Variants in SLC47A2 observed in about 807,000 individuals in gnomAD.
SLC47A2 encodes the protein multidrug and toxin extrusion protein 2.
In SLC47A2, 52 loss-of-function variants were observed where a neutral mutation model predicts 67.7. The ratio of observed to expected loss-of-function variants is 0.77; its 90% CI spans 0.61 to 0.97. SLC47A2 has a LOEUF of 0.97. Among genes scored for constraint, SLC47A2 ranks in the 50% least tolerant of loss-of-function variants. SLC47A2 has a pLI of 0.00. For synonymous variants in SLC47A2, 278 were observed against 292.9 expected, an observed-to-expected ratio of 0.95 and a Z score of 0.52; for missense variants, 676 against 712.3, an observed-to-expected ratio of 0.95 and a Z score of 0.58.
rs1289536679 is a variant in SLC47A2, at chr17:19,705,404, A to C, written c.909+32T>G. 3 of 1,593,218 alleles carry C rather than the reference A, an allele frequency of 1.9e-6. No individual in the cohort carries two copies. The African/African-American group carries it at 4.0e-5, about 21-fold the overall frequency. On this transcript the variant is annotated intron_variant, in intron 10 of 16. Transcript: ENST00000433844. ...GACACCTCCAGCCATCAGGTGGGGG[A>C]TGTGGGGAAGGCACCCCTGCAGGAG...
rs143635256 is a variant in SLC47A2, at chr17:19,683,728, G to A, written c.1165-2058C>T. On this transcript the variant is annotated intron_variant, in intron 13 of 16. Transcript: ENST00000433844. ...TGAAAACAGCTGGAACTCTGAATACGTCTCTAGCCCACACATGGATCTGTC... is the reference window on the plus strand; with the variant it reads ...TGAAAACAGCTGGAACTCTGAATACATCTCTAGCCCACACATGGATCTGTC... Among the ~76,000 whole-genome samples the A allele has an allele frequency of 3.7e-3, 565 of 152,230 alleles. 2 individuals carry two copies. Among genetic ancestry groups the A allele is most frequent in the Middle Eastern group, 0.014 (4 of 294 alleles).
intron 6 of SLC47A2, 110 bp from the exon 7 acceptor site, chr17:19,708,509 T>C (rs745698248): frequency 5.0e-6 from 8 of 1,613,788 alleles, no homozygotes; most frequent in Non-Finnish European, 5.9e-6. Flanking sequence ...CAGCCATCCC[T>C]GTTGAGGAGT....
chr17:19,717,263 G>A (rs1304479822), upstream of SLC47A2: 1 of 152,424 alleles, frequency 6.6e-6, no homozygotes, highest in Non-Finnish European at 1.5e-5. Context: ...CAGTGCTTGG[G>A]AAAGCAGCTC....
Position 19,707,863 on chromosome 17 carries a change from A to G in SLC47A2, c.630-20T>C, listed in dbSNP as rs908441319. 1.3e-6 allele frequency: 2 copies of G among 1,566,996 alleles called. No individual in the cohort carries two copies. Among genetic ancestry groups the G allele is most frequent in the Admixed American group, 1.9e-5 (1 of 53,146 alleles). On this transcript the variant is annotated intron_variant, in intron 7 of 16. Coordinates refer to ENST00000433844, the MANE Select transcript of SLC47A2 (RefSeq NM_001099646.3). Reference sequence around the variant, plus strand: ...GAGCCCCTGGGTAAGGAGGGAGAACAGGGCTGCGACTGATGCCAACTCTCT... The same window carrying G: ...GAGCCCCTGGGTAAGGAGGGAGAACGGGGCTGCGACTGATGCCAACTCTCT...
chr17:19,703,708 G>A (rs2085850134), intron 11 of SLC47A2, among the ~76,000 whole-genome samples: 1 of 152,194 alleles, frequency 6.6e-6, no homozygotes, highest in Non-Finnish European at 1.5e-5. Context: ...GCCTGCAGAA[G>A]GACTCTGGAC....
intron 9 of SLC47A2, 94 bp downstream of exon 9, chr17:19,706,554 T>C: frequency 1.9e-6 from 2 of 1,050,276 alleles, no homozygotes; most frequent in Admixed American, 5.3e-5. Context: ...GGGAGGGGGC[T>C]TCTGGGATGG....
At chr17:19,691,698 A>G (rs963024837) in intron 13 of SLC47A2, among the ~76,000 whole-genome samples, 9 of 152,218 alleles carry the variant, frequency 5.9e-5, no homozygotes, top group African/African-American at 2.2e-4. Flanking sequence ...ACAACAGCGT[A>G]ATTATAGGCA....
chr17:19,687,480 G>A (rs2085452751), intron 13 of SLC47A2, among the ~76,000 whole-genome samples: 1 of 151,710 alleles, frequency 6.6e-6, no homozygotes, highest in African/African-American at 2.4e-5. Flanking sequence ...AAAATTAGTA[G>A]AAGAAAAGAA....
chr17:19,685,001 A>G lies in SLC47A2; in HGVS notation c.1165-3331T>C, dbSNP rs964372449. Among the ~76,000 whole-genome samples the G allele has an allele frequency of 6.6e-6, 1 of 151,580 alleles. No individual in the cohort carries two copies. Among genetic ancestry groups the G allele is most frequent in the Non-Finnish European group, 1.5e-5 (1 of 67,938 alleles). The stretch of plus-strand genomic sequence containing the variant: ...CCTGGGATTCCAGGCACGCGCTGCC[A>G]CTCCTGACTGGTTTTTGTATTTTTG... On this transcript the variant is annotated intron_variant, in intron 13 of 16. Transcript: ENST00000433844. The surrounding 1 kb of genome is among the most constrained non-coding windows in gnomAD (Gnocchi z 4.5).
intron 8 of SLC47A2, 64 bp from the exon 9 acceptor site, chr17:19,706,825 A>G: frequency 7.6e-7 from 1 of 1,317,374 alleles, no homozygotes; most frequent in South Asian, 1.3e-5. Context: ...CCTGCTCCCC[A>G]CTGCCAGGAG....
intron 8 of SLC47A2, 117 bp downstream of exon 8, chr17:19,707,629 C>A: frequency 1.2e-6 from 1 of 861,648 alleles, no homozygotes; most frequent in Non-Finnish European, 1.8e-6. Flanking sequence ...GTGCAGGGTC[C>A]TGCACCTCCT....
intron 5 of SLC47A2, among the ~76,000 whole-genome samples, chr17:19,709,826 C>T (rs1167195253): frequency 6.6e-6 from 1 of 152,042 alleles, no homozygotes; most frequent in Non-Finnish European, 1.5e-5. Flanking sequence ...CAGGGCATTT[C>T]CCCCCGACCC....
In SLC47A2 at chr17:19,708,856, G is replaced by T. The variant is rs1241207056; in HGVS notation, c.487-96C>A. On this transcript the variant is annotated intron_variant, in intron 5 of 16. Transcript: ENST00000433844. ...TTCCTTTCCAGGACATAGTACCCCA[G>T]ATTGGGGAAATTACTTCATCAAAGT... 3 of 1,448,712 alleles carry T rather than the reference G, an allele frequency of 2.1e-6. No individual in the cohort carries two copies. The East Asian group carries it at 6.8e-5, about 33-fold the overall frequency. The allele number at this position is 1,448,712 out of a possible 1,614,324, so 89.7% of individuals were successfully genotyped here. A position where few individuals can be genotyped will look rare whatever the true frequency, so the allele number is the denominator to read the frequency against.
At position 19,678,536 on chromosome 17, in the gene SLC47A2, C is replaced by T; in HGVS notation, c.*150G>A. 1.3e-6 allele frequency: 1 copy of T among 744,238 alleles called. No individual in the cohort carries two copies. The highest frequency in any genetic ancestry group is 2.2e-6 in the Non-Finnish European group (1 of 450,656). The allele number at this position is 744,238 out of a possible 1,614,324, so 46.1% of individuals were successfully genotyped here. A position where few individuals can be genotyped will look rare whatever the true frequency, so the allele number is the denominator to read the frequency against. On this transcript the variant is annotated 3_prime_UTR_variant, in exon 17 of 17. Transcript: ENST00000433844. ...TCTGTTCAGACCCCTCTGAGTGTCACCACAAGGAATCAGCCAAAGTTCTTT... is the reference window on the plus strand; with the variant it reads ...TCTGTTCAGACCCCTCTGAGTGTCATCACAAGGAATCAGCCAAAGTTCTTT...
At chr17:19,700,862 T>C (rs1420296908) in intron 13 of SLC47A2, among the ~76,000 whole-genome samples, 2 of 151,028 alleles carry the variant, frequency 1.3e-5, no homozygotes, top group African/African-American at 4.9e-5. Context: ...AAAGTATGAA[T>C]AGTGTCTTTT....
intron 13 of SLC47A2, among the ~76,000 whole-genome samples, chr17:19,681,880 G>A (rs945413600): frequency 5.9e-5 from 9 of 152,166 alleles, no homozygotes; most frequent in Non-Finnish European, 1.2e-4. Context: ...AAGTAACTGT[G>A]TTTTGAACAC....
At chr17:19,695,493 A>G (rs1286153517) in intron 13 of SLC47A2, among the ~76,000 whole-genome samples, 2 of 123,776 alleles carry the variant, frequency 1.6e-5, no homozygotes, top group East Asian at 5.7e-4. Context: ...AAAAAAAAAC[A>G]AAGAACAAAA....
chr17:19,688,999 A>G (rs978152985), intron 13 of SLC47A2, among the ~76,000 whole-genome samples: 5 of 151,660 alleles, frequency 3.3e-5, no homozygotes, highest in Admixed American at 6.6e-5. Flanking sequence ...TCAAGTAGTT[A>G]GGACTACAGG....
chr17:19,703,669 C>T (rs1009849215), intron 11 of SLC47A2, among the ~76,000 whole-genome samples: 3 of 152,184 alleles, frequency 2.0e-5, no homozygotes, highest in African/African-American at 7.2e-5. Flanking sequence ...TGGCAGCTGC[C>T]AAGCTCATGG....
Sources: gnomAD v4.1 joint callset for allele counts (sites outside exome capture counted in the v4.1 genomes callset) on GRCh38, gnomAD v4.1.1 for gene constraint, Gnocchi (gnomAD v3.1) non-coding constraint, MANE v1.5 for transcripts, NCBI Gene and HGNC (gene_info 2026-07-23, HGNC 2026-07-21) for gene names.